Variants in PRELID3A observed in about 807,000 individuals in gnomAD.
PRELID3A encodes the protein PRELI domain containing protein 3A.
Under a neutral mutation model 23.0 loss-of-function variants are expected in PRELID3A, and 27 were observed. That is an observed-to-expected ratio of 1.17 (90% CI 0.87 to 1.62). PRELID3A has a LOEUF of 1.62. Among genes scored for constraint, PRELID3A ranks in the 40% most tolerant of loss-of-function variants. PRELID3A has a pLI of 0.00. For missense variants in PRELID3A, 231 were observed against 231.4 expected, an observed-to-expected ratio of 1.00 and a Z score of 0.01; for synonymous variants, 87 against 86.4, an observed-to-expected ratio of 1.01 and a Z score of -0.04.
chr18:12,421,598 T>C lies in PRELID3A; in HGVS notation c.260T>C (p.Val87Ala). 3 of 1,613,544 alleles carry C rather than the reference T, an allele frequency of 1.9e-6. No homozygotes were observed. The highest frequency in any genetic ancestry group is 2.5e-6 in the Non-Finnish European group (3 of 1,179,616). ...CGAGAACATTCTGTGGTGGATCCAG[T>C]GGAAAAGAAAATGGAACTTTGTTCT... ...YIREHSVVDPVEKKMELCSTN... is the reference protein window; with the variant it reads ...YIREHSVVDPAEKKMELCSTN... Residue 87 changes from valine to alanine, a missense_variant, in exon 3 of 7, where the codon GTG becomes GCG. Val to Ala is a moderately conservative substitution (Grantham distance 64). Transcript: ENST00000440960.
chr18:12,420,315 C>CT lies in PRELID3A; in HGVS notation c.33-9dup, dbSNP rs2030117424. ...GCGCTTGCTCACCGCCGCCTATGCT[C>CT]TCCCCGCAGCCACCCGTGGGACACG... On this transcript the variant is annotated splice_polypyrimidine_tract_variant and intron_variant, in intron 1 of 6. Coordinates refer to ENST00000440960, the MANE Select transcript of PRELID3A (RefSeq NM_001142405.2). 3 of 1,599,574 alleles carry CT rather than the reference C, an allele frequency of 1.9e-6. No individual in the cohort carries two copies. Among genetic ancestry groups the CT allele is most frequent in the Non-Finnish European group, 2.6e-6 (3 of 1,174,046 alleles).
chr18:12,414,415 T>G (rs1440937673), intron 1 of PRELID3A, among the ~76,000 whole-genome samples: 3 of 152,082 alleles, frequency 2.0e-5, no homozygotes, highest in Admixed American at 6.5e-5. Context: ...TTAGCGCAAA[T>G]GTCAATACAG....
At chr18:12,420,961 C>T (rs949475291) in intron 2 of PRELID3A, among the ~76,000 whole-genome samples, 13 of 152,154 alleles carry the variant, frequency 8.5e-5, no homozygotes, top group Non-Finnish European at 1.8e-4. Flanking sequence ...TAAAGCCCAG[C>T]GTCCGCAGCC....
At chr18:12,411,202 A>G (rs1225208616) in intron 1 of PRELID3A, among the ~76,000 whole-genome samples, 2 of 152,082 alleles carry the variant, frequency 1.3e-5, no homozygotes, top group East Asian at 3.9e-4. Context: ...TATATGGCCA[A>G]AATATAGAAA....
chr18:12,408,751 A>G (rs1909810458), intron 1 of PRELID3A, among the ~76,000 whole-genome samples: 1 of 149,448 alleles, frequency 6.7e-6, no homozygotes, highest in Admixed American at 6.6e-5. Flanking sequence ...GGAGACTCTG[A>G]AGGGTGAGGG....
At chr18:12,425,411 G>A (rs192511624) in intron 3 of PRELID3A, among the ~76,000 whole-genome samples, 1,471 of 143,756 alleles carry the variant, frequency 0.01, 11 homozygotes, top group Non-Finnish European at 0.017. Flanking sequence ...ATGAGGTCAG[G>A]AGATCAAGAC....
intron 1 of PRELID3A, chr18:12,420,124 G>A: frequency 7.0e-7 from 1 of 1,422,210 alleles, no homozygotes; most frequent in South Asian, 1.5e-5. Context: ...AAAACCAAGG[G>A]GCTGCCAGGT....
At chr18:12,421,768 A>G (rs1048849087) in intron 3 of PRELID3A, 139 bp downstream of exon 3, 2 of 619,690 alleles carry the variant, frequency 3.2e-6, no homozygotes, top group Non-Finnish European at 5.8e-6. Flanking sequence ...TTCATTTAGC[A>G]GTTTATCTTT....
intron 1 of PRELID3A, 47 bp downstream of exon 1, chr18:12,408,054 C>T (rs1407309327): frequency 3.3e-5 from 41 of 1,240,606 alleles, no homozygotes; most frequent in Non-Finnish European, 3.7e-5. Flanking sequence ...GACGCCGGCT[C>T]CTGCTCCCGA....
Position 12,421,563 on chromosome 18 carries a change from G to A in PRELID3A, c.225G>A (p.Leu75=), listed in dbSNP as rs763773185. The A allele has an allele frequency of 5.0e-6, 8 of 1,613,688 alleles. No individual in the cohort carries two copies. ...VRAILGTSRT[L]TYIREHSVVD... ...AGATTTTGGGAACCAGTAGGACATT[G>A]ACATACATCCGAGAACATTCTGTGG... Residue 75 remains leucine, a synonymous_variant, in exon 3 of 7, where the codon TTG becomes TTA. Coordinates refer to ENST00000440960, the MANE Select transcript of PRELID3A (RefSeq NM_001142405.2).
intron 1 of PRELID3A, among the ~76,000 whole-genome samples, chr18:12,414,946 T>A (rs1461238377): frequency 6.6e-6 from 1 of 152,116 alleles, no homozygotes; most frequent in Non-Finnish European, 1.5e-5. Context: ...TTTCTTTTTT[T>A]TAGAGACGGT....
Position 12,427,235 on chromosome 18 carries a change from A to G in PRELID3A, c.377A>G (p.Gln126Arg), listed in dbSNP as rs771638286. ...PENPEMTVLTQEAIITVKGIS... is the reference protein window; with the variant it reads ...PENPEMTVLTREAIITVKGIS... ...CTCTTTTGCAGGACCGTGCTCACAC[A>G]AGAAGCCATCATCACTGTGAAGGGG... Residue 126 changes from glutamine (Q) to arginine (R), a missense_variant, in exon 5 of 7, where the codon CAA becomes CGA. Coordinates refer to ENST00000440960, the MANE Select transcript of PRELID3A (RefSeq NM_001142405.2). 2 of 1,614,154 alleles carry G rather than the reference A, an allele frequency of 1.2e-6. No homozygotes were observed. Among genetic ancestry groups the G allele is most frequent in the African/African-American group, 1.3e-5 (1 of 75,040 alleles).
intron 1 of PRELID3A, among the ~76,000 whole-genome samples, chr18:12,408,588 G>A (rs1018060926): frequency 3.3e-5 from 5 of 152,260 alleles, no homozygotes; most frequent in African/African-American, 4.8e-5. Context: ...ACCTCGAACT[G>A]TTTAAAAATG....
chr18:12,427,950 C>G (rs2030433623), intron 5 of PRELID3A, among the ~76,000 whole-genome samples: 1 of 152,146 alleles, frequency 6.6e-6, no homozygotes, highest in African/African-American at 2.4e-5. Context: ...ATGTCATAAG[C>G]TCAGTTACCA....
At chr18:12,418,167 G>A (rs561672957) in intron 1 of PRELID3A, among the ~76,000 whole-genome samples, 2 of 152,130 alleles carry the variant, frequency 1.3e-5, no homozygotes, top group South Asian at 4.2e-4. Context: ...TATTTTATTT[G>A]GAAATTTCAT....
chr18:12,411,311 A>G (rs1337663383), intron 1 of PRELID3A, among the ~76,000 whole-genome samples: 1 of 151,230 alleles, frequency 6.6e-6, no homozygotes, highest in Non-Finnish European at 1.5e-5. Flanking sequence ...TAAAAAAAAA[A>G]AAAAATTAGC....
At chr18:12,410,017 C>T (rs1909857825) in intron 1 of PRELID3A, among the ~76,000 whole-genome samples, 1 of 152,174 alleles carries the variant, frequency 6.6e-6, no homozygotes, top group Non-Finnish European at 1.5e-5. Flanking sequence ...TTCACCCCTG[C>T]CCCAGGCAAC....
intron 1 of PRELID3A, among the ~76,000 whole-genome samples, chr18:12,414,228 G>A (rs142953291): frequency 1.3e-5 from 2 of 152,136 alleles, no homozygotes; most frequent in African/African-American, 4.8e-5. Flanking sequence ...AGAGTACTCA[G>A]GGGTCAAGCA....
intron 6 of PRELID3A, 81 bp downstream of exon 6, chr18:12,429,517 G>T: frequency 1.1e-6 from 1 of 880,050 alleles, no homozygotes; most frequent in South Asian, 1.5e-5. Context: ...GTGAGGGGAC[G>T]CCAGAAGTAC....
Sources: gnomAD v4.1 joint callset for allele counts (sites outside exome capture counted in the v4.1 genomes callset) on GRCh38, gnomAD v4.1.1 for gene constraint, MANE v1.5 for transcripts, NCBI Gene and HGNC (gene_info 2026-07-23, HGNC 2026-07-21) for gene names.